The following LPP variants were observed in gnomAD, a reference collection of about 807,000 sequenced individuals.
LPP encodes LIM domain containing preferred translocation partner in lipoma, also known as lipoma-preferred partner.
A neutral mutation model predicts 60.4 loss-of-function variants in LPP; 38 were observed. The observed-to-expected ratio is 0.63, with a 90% CI of 0.49 to 0.83. LPP has a LOEUF of 0.83. Among genes scored for constraint, LPP ranks in the 40% least tolerant of loss-of-function variants. The probability of loss-of-function intolerance (pLI) is 0.00; values close to 1 mark genes in which losing one functional copy is unlikely to be tolerated. For missense variants in LPP, 902 were observed against 783.6 expected, an observed-to-expected ratio of 1.15 and a Z score of -1.80; for synonymous variants, 328 against 290.8, an observed-to-expected ratio of 1.13 and a Z score of -1.30.
At chr3:188,524,878 C>CCCTT (rs796218931) in intron 6 of LPP, 91 bp downstream of exon 6, 28,812 of 634,146 alleles carry the variant, frequency 0.045, 12,644 homozygotes, top group Non-Finnish European at 0.061. Flanking sequence ...AGCTTATTTC[C>CCCTT]CCTTCCTTCC....
At chr3:188,604,784 A>C (rs1158394212) in intron 6 of LPP, among the ~76,000 whole-genome samples, 1 of 152,154 alleles carries the variant, frequency 6.6e-6, no homozygotes, top group Non-Finnish European at 1.5e-5. Flanking sequence ...GCAGGGAATA[A>C]AAAGGACAGT....
chr3:188,337,279 G>T (rs1761927979), intron 2 of LPP, among the ~76,000 whole-genome samples: 1 of 152,236 alleles, frequency 6.6e-6, no homozygotes. Flanking sequence ...TAGCGCAGTA[G>T]CTGCGCAGGC....
intron 7 of LPP, among the ~76,000 whole-genome samples, chr3:188,636,471 A>G (rs936508632): frequency 2.2e-4 from 33 of 152,184 alleles, no homozygotes; most frequent in Non-Finnish European, 4.6e-4. Flanking sequence ...CTGCAGCAAG[A>G]CTGGGGGAGG....
intron 1 of LPP, among the ~76,000 whole-genome samples, chr3:188,206,317 G>T (rs1011468944): frequency 1.3e-5 from 2 of 152,126 alleles, no homozygotes; most frequent in African/African-American, 4.8e-5. Flanking sequence ...GAGCCACAAG[G>T]TCTTTGACCT....
intron 3 of LPP, among the ~76,000 whole-genome samples, chr3:188,391,412 G>T (rs80008679): frequency 0.01 from 1,528 of 152,292 alleles, 28 homozygotes; most frequent in African/African-American, 0.035. Context: ...TGATGAATTT[G>T]AACCTGTCTG....
chr3:188,248,495 T>TATATATATATATATATATATATATATAC (rs1358563921), intron 2 of LPP, among the ~76,000 whole-genome samples: 12 of 138,582 alleles, frequency 8.7e-5, no homozygotes, highest in African/African-American at 3.4e-4. Context: ...TATATATATA[T>TATATATATATATATATATATATATATAC]ATACAGTCAG....
At position 188,875,073 on chromosome 3, in the gene LPP, T is replaced by G. The variant is rs1176127454; in HGVS notation, c.*594T>G. On this transcript the variant is annotated 3_prime_UTR_variant, in exon 12 of 12. Transcript: ENST00000617246. The stretch of plus-strand genomic sequence containing the variant: ...ACATAAGTTAGAACAAGCCCAAATT[T>G]AATTTGCAACCATCAGAATTCAGAA... 1.4e-5 allele frequency: 3 copies of G among 220,364 alleles called. No individual in the cohort carries two copies. The highest frequency in any genetic ancestry group is 2.7e-5 in the Non-Finnish European group (3 of 110,128). The allele number at this position is 220,364 out of a possible 1,614,324, so 13.7% of individuals were successfully genotyped here. A position where few individuals can be genotyped will look rare whatever the true frequency, so the allele number is the denominator to read the frequency against.
chr3:188,584,958 TTGAAA>T (rs933543052), intron 6 of LPP, among the ~76,000 whole-genome samples: 147 of 152,322 alleles, frequency 9.7e-4, no homozygotes, highest in Non-Finnish European at 1.9e-3. Context: ...TTTCATGTAG[TTGAAA>T]TGAAGCATCA....
At chr3:188,838,323 G>A (rs1389828792) in intron 9 of LPP, among the ~76,000 whole-genome samples, 1 of 152,120 alleles carries the variant, frequency 6.6e-6, no homozygotes, top group African/African-American at 2.4e-5. Flanking sequence ...ACAAAAGTTA[G>A]CTTCTAAATG....
chr3:188,814,008 G>A (rs973879152), intron 9 of LPP, among the ~76,000 whole-genome samples: 6 of 152,070 alleles, frequency 3.9e-5, no homozygotes, highest in Non-Finnish European at 8.8e-5. Flanking sequence ...GGAGACAGAG[G>A]TTGCAGTGAG....
At chr3:188,367,668 G>A (rs1771622395) in intron 3 of LPP, among the ~76,000 whole-genome samples, 2 of 152,270 alleles carry the variant, frequency 1.3e-5, no homozygotes, top group South Asian at 4.1e-4. Context: ...TTTCTAAAAT[G>A]TGCTCCATGA....
intron 2 of LPP, among the ~76,000 whole-genome samples, chr3:188,325,648 AT>A (rs1758223449): frequency 6.6e-6 from 1 of 152,196 alleles, no homozygotes; most frequent in African/African-American, 2.4e-5. Context: ...AATGGTGAAG[AT>A]TTAGTGAGTG....
chr3:188,368,152 C>T (rs753347920), intron 3 of LPP, among the ~76,000 whole-genome samples: 15 of 152,096 alleles, frequency 9.9e-5, no homozygotes, highest in East Asian at 3.9e-4. Flanking sequence ...AGTGTTATAC[C>T]GGCCAAACCA....
chr3:188,885,642 G>A lies in LPP; in HGVS notation c.*11163G>A, dbSNP rs545209968. ...ATAGCAGCATGATTTATAATCCTTT[G>A]GGTATATACCCAGTAATGGGATGGC... On this transcript the variant is annotated 3_prime_UTR_variant, in exon 12 of 12. Coordinates refer to ENST00000617246, the MANE Select transcript of LPP (RefSeq NM_001375462.1). The A allele has an allele frequency of 6.5e-6, 1 of 155,016 alleles. No homozygotes were observed. The highest frequency in any genetic ancestry group is 1.7e-4 in the East Asian group (1 of 5,756). The allele number at this position is 155,016 out of a possible 1,614,324, so 9.6% of individuals were successfully genotyped here. A position where few individuals can be genotyped will look rare whatever the true frequency, so the allele number is the denominator to read the frequency against.
chr3:188,184,894 C>T lies in LPP; in HGVS notation c.-190+30642C>T, dbSNP rs117489044. On this transcript the variant is annotated intron_variant, in intron 1 of 11. Transcript: ENST00000617246. ...TGTAGGTAAAGGGGCAGTGCAGTGT[C>T]AGCACCTAGGTTTCGAAAGGCTCCA... Among the ~76,000 whole-genome samples the T allele has an allele frequency of 6.6e-5, 10 of 152,036 alleles. No individual in the cohort carries two copies. In the East Asian group the frequency reaches 1.9e-3, roughly 29 times the overall value.
intron 4 of LPP, among the ~76,000 whole-genome samples, chr3:188,480,877 C>A (rs1685845392): frequency 6.6e-6 from 1 of 152,192 alleles, no homozygotes; most frequent in South Asian, 2.1e-4. Context: ...GAAGGATCAC[C>A]ACCTAGGAAT....
chr3:188,389,793 A>AAAT (rs1480057852), intron 3 of LPP, among the ~76,000 whole-genome samples: 1 of 144,934 alleles, frequency 6.9e-6, no homozygotes, highest in Non-Finnish European at 1.5e-5. Flanking sequence ...AAAAAAAAAA[A>AAAT]ATGGGACTCC....
At chr3:188,762,338 G>A (rs551166464) in intron 9 of LPP, among the ~76,000 whole-genome samples, 1 of 152,238 alleles carries the variant, frequency 6.6e-6, no homozygotes, top group African/African-American at 2.4e-5. Context: ...AGCACACTGG[G>A]CCTCTTCAGG....
At chr3:188,226,449 G>T (rs1308717781) in intron 2 of LPP, among the ~76,000 whole-genome samples, 2 of 152,226 alleles carry the variant, frequency 1.3e-5, no homozygotes, top group East Asian at 3.9e-4. Context: ...TCAGAAAGGA[G>T]AATTGTGACC....
Sources: gnomAD v4.1 joint callset for allele counts (sites outside exome capture counted in the v4.1 genomes callset) on GRCh38, gnomAD v4.1.1 for gene constraint, MANE v1.5 for transcripts, NCBI Gene and HGNC (gene_info 2026-07-23, HGNC 2026-07-21) for gene names.